ELMO1: variants seen among roughly 807,000 people sequenced by gnomAD.
ELMO1 encodes engulfment and cell motility protein 1.
In ELMO1, 26 loss-of-function variants were observed where a neutral mutation model predicts 98.9. The observed-to-expected ratio is 0.26, with a 90% confidence interval of 0.19 to 0.36. The LOEUF is 0.36. ELMO1 is among the 10% of genes least tolerant of loss of function. The pLI is 1.00. For missense variants in ELMO1, 627 were observed against 935.2 expected (o/e 0.67, Z 4.30); for synonymous variants, 346 against 346.0 (o/e 1.00, Z 0.00).
chr7:37,275,661 A>G (rs949510770), intron 4 of ELMO1, among the ~76,000 whole-genome samples: 2 of 152,194 alleles, frequency 1.3e-5, no homozygotes, highest in Middle Eastern at 3.2e-3. Flanking sequence ...AGACAACAGC[A>G]CCTTCTGCCT....
At chr7:37,163,430 T>G (rs934412065) in intron 13 of ELMO1, among the ~76,000 whole-genome samples, 13 of 152,196 alleles carry the variant, frequency 8.5e-5, no homozygotes, top group Non-Finnish European at 1.8e-4. Flanking sequence ...GCCATGCTGG[T>G]GTGCTGCACC....
At chr7:37,346,494 T>C (rs2717952) in intron 1 of ELMO1, among the ~76,000 whole-genome samples, 50,579 of 152,142 alleles carry the variant, frequency 0.33, 9,555 homozygotes, top group Middle Eastern at 0.45. Flanking sequence ...TTTGTGCAAA[T>C]GCAAGCAAAC....
chr7:36,974,718 T>G (rs1016883455), intron 16 of ELMO1, among the ~76,000 whole-genome samples: 1 of 152,124 alleles, frequency 6.6e-6, no homozygotes, highest in Non-Finnish European at 1.5e-5. Flanking sequence ...CCTTCCACAC[T>G]GGGGAAGCTT....
rs571497228 is a variant in ELMO1, at chr7:36,966,662, C to T, written c.1437+46637G>A. Among the ~76,000 whole-genome samples the T allele has an allele frequency of 2.6e-3, 403 of 152,278 alleles. 2 individuals are homozygous for T. Among genetic ancestry groups the T allele is most frequent in the African/African-American group, 9.3e-3 (387 of 41,558 alleles). The stretch of plus-strand genomic sequence containing the variant: ...TTTTTCCTCCATGTATGATTAGCAT[C>T]AATGAATTGAATGAATGTGCCACTT... On this transcript the variant is annotated intron_variant, in intron 16 of 21. Coordinates refer to ENST00000310758, the MANE Select transcript of ELMO1 (RefSeq NM_014800.11).
intron 5 of ELMO1, among the ~76,000 whole-genome samples, chr7:37,260,704 A>C (rs1007732923): frequency 2.0e-5 from 3 of 152,204 alleles, no homozygotes; most frequent in African/African-American, 7.2e-5. Flanking sequence ...CAGATGTGGC[A>C]GGTCTCCCAT....
At chr7:37,362,228 A>G (rs553884437) in intron 1 of ELMO1, among the ~76,000 whole-genome samples, 18 of 151,724 alleles carry the variant, frequency 1.2e-4, no homozygotes, top group Non-Finnish European at 2.4e-4. Context: ...ATATATATAT[A>G]TATATAATTT....
intron 15 of ELMO1, among the ~76,000 whole-genome samples, chr7:37,044,860 A>G (rs1562919089): frequency 6.6e-6 from 1 of 152,194 alleles, no homozygotes; most frequent in Middle Eastern, 3.2e-3. Flanking sequence ...TTAATAAAGT[A>G]TGAATTAGAG....
intron 16 of ELMO1, among the ~76,000 whole-genome samples, chr7:37,005,353 T>C (rs1247599139): frequency 6.6e-6 from 1 of 151,798 alleles, no homozygotes; most frequent in Non-Finnish European, 1.5e-5. Flanking sequence ...AAAGCTGCCA[T>C]GGACCCCATG....
In ELMO1 at chr7:36,919,369, C is replaced by A. The variant is rs749325184; in HGVS notation, c.1438-24352G>T. On this transcript the variant is annotated intron_variant, in intron 16 of 21. Transcript: ENST00000310758. ...CTTTGGGACTTCAGGCTATCCCTGA[C>A]AAATTCCTGAACCAATCTCTCTGGC... is the stretch of plus-strand genomic sequence containing the variant. 8 of 532,474 alleles carry A rather than the reference C, an allele frequency of 1.5e-5. 1 individual carries two copies. The highest frequency in any genetic ancestry group is 3.1e-5 in the Non-Finnish European group (8 of 258,332). 33.0% of individuals were successfully genotyped at this position (532,474 alleles called of 1,614,324 possible).
chr7:37,302,672 C>A (rs911842215), intron 4 of ELMO1, among the ~76,000 whole-genome samples: 1 of 152,080 alleles, frequency 6.6e-6, no homozygotes, highest in Admixed American at 6.5e-5. Context: ...CAAGAAGAGA[C>A]AAGCCATCAT....
intron 16 of ELMO1, among the ~76,000 whole-genome samples, chr7:36,979,547 C>T (rs569221550): frequency 1.1e-4 from 16 of 152,108 alleles, no homozygotes; most frequent in Non-Finnish European, 2.1e-4. Flanking sequence ...CATCCCTTGT[C>T]CCCCATCAAT....
chr7:37,215,794 G>A (rs754575208), intron 11 of ELMO1, among the ~76,000 whole-genome samples: 1 of 152,178 alleles, frequency 6.6e-6, no homozygotes, highest in South Asian at 2.1e-4. Context: ...CCAGTGGCAC[G>A]GCATGCCCCC....
At chr7:36,858,915 C>T (rs1048672420) in intron 21 of ELMO1, among the ~76,000 whole-genome samples, 7 of 152,210 alleles carry the variant, frequency 4.6e-5, no homozygotes, top group Middle Eastern at 3.4e-3. Flanking sequence ...GTCCAGAATT[C>T]GAAGATAATA....
intron 13 of ELMO1, among the ~76,000 whole-genome samples, chr7:37,163,893 G>A (rs376781403): frequency 1.3e-5 from 2 of 152,186 alleles, no homozygotes; most frequent in East Asian, 3.9e-4. Context: ...TCTAGTTCTA[G>A]ATCCCTGAAG....
chr7:37,404,992 A>G (rs1479657149), intron 1 of ELMO1, among the ~76,000 whole-genome samples: 1 of 152,160 alleles, frequency 6.6e-6, no homozygotes, highest in Non-Finnish European at 1.5e-5. Context: ...TGGGCTCTGA[A>G]ATTTGCCAGA....
intron 14 of ELMO1, among the ~76,000 whole-genome samples, chr7:37,100,843 GGTGACCTT>G (rs1784599461): frequency 6.6e-6 from 1 of 152,246 alleles, no homozygotes; most frequent in Non-Finnish European, 1.5e-5. Flanking sequence ...CTGATAATGT[GGTGACCTT>G]GGACAAAGGT....
rs538917186 is a variant in ELMO1 at position 36,867,107 on chromosome 7, C to T, written c.1905+3286G>A. Among the ~76,000 whole-genome samples, 183 of 152,224 alleles carry T rather than the reference C, an allele frequency of 1.2e-3. 1 individual carries two copies. Among genetic ancestry groups the T allele is most frequent in the African/African-American group, 4.2e-3 (176 of 41,532 alleles). Reference sequence around the variant, plus strand: ...GAAGAGCCCAGGGTAGCTAGAAATACGGGCCAGTGAGTCCCAGGAAGTAGC... The same window carrying T: ...GAAGAGCCCAGGGTAGCTAGAAATATGGGCCAGTGAGTCCCAGGAAGTAGC... On this transcript the variant is annotated intron_variant, in intron 20 of 21. Coordinates refer to ENST00000310758, the MANE Select transcript of ELMO1 (RefSeq NM_014800.11).
chr7:37,438,862 G>A (rs150406957), intron 1 of ELMO1, among the ~76,000 whole-genome samples: 9 of 152,258 alleles, frequency 5.9e-5, no homozygotes, highest in East Asian at 1.9e-4. Context: ...TGCTTATGGC[G>A]CTTTAAACCT....
intron 15 of ELMO1, among the ~76,000 whole-genome samples, chr7:37,025,895 T>TACTA (rs1794541265): frequency 7.0e-6 from 1 of 142,920 alleles, no homozygotes; most frequent in Non-Finnish European, 1.5e-5. Flanking sequence ...ATATTATATA[T>TACTA]TCTATCTATC....
Sources: gnomAD v4.1 joint callset for allele counts (sites outside exome capture counted in the v4.1 genomes callset) on GRCh38, gnomAD v4.1.1 for gene constraint, MANE v1.5 for transcripts, NCBI Gene and HGNC (gene_info 2026-07-23, HGNC 2026-07-21) for gene names.